CCDC171: variants seen among roughly 807,000 people sequenced by gnomAD.
CCDC171 encodes the protein coiled-coil domain-containing protein 171.
In CCDC171, 177 loss-of-function variants were observed where a neutral mutation model predicts 168.2. That is an observed-to-expected ratio of 1.05 (90% confidence interval 0.93 to 1.19). The LOEUF (loss-of-function observed/expected upper bound fraction) is 1.19. Among genes scored for constraint, CCDC171 ranks in the 50% most tolerant of loss-of-function variants. The probability of loss-of-function intolerance (pLI) is 0.00; values close to 1 mark genes in which losing one functional copy is unlikely to be tolerated. For missense variants in CCDC171, 1,991 were observed against 1,539.0 expected, an observed-to-expected ratio of 1.29 and a Z score of -4.91; for synonymous variants, 687 against 540.8, an observed-to-expected ratio of 1.27 and a Z score of -3.75.
chr9:16,108,064 C>T, the CCDC171 span, among the ~76,000 whole-genome samples: 1 of 152,176 alleles, frequency 6.6e-6, no homozygotes, highest in Non-Finnish European at 1.5e-5. Context: ...GTATAAACTT[C>T]AGTCGCAAAG....
chr9:16,008,005 A>G (rs997640795), intron 3 of CCDC171, among the ~76,000 whole-genome samples: 1 of 152,144 alleles, frequency 6.6e-6, no homozygotes, highest in East Asian at 1.9e-4. Flanking sequence ...ATGATTTGCA[A>G]ATACCTTTTC....
At chr9:15,597,724 C>G (rs576519127) in intron 6 of CCDC171, among the ~76,000 whole-genome samples, 1 of 152,230 alleles carries the variant, frequency 6.6e-6, no homozygotes, top group Non-Finnish European at 1.5e-5. Context: ...GGAATGGTAC[C>G]AGCTCCTCCT....
intron 7 of CCDC171, among the ~76,000 whole-genome samples, chr9:15,625,472 C>T (rs145396565): frequency 0.084 from 12,816 of 152,166 alleles, 710 homozygotes; most frequent in Non-Finnish European, 0.13. Flanking sequence ...AGTCTTTAAT[C>T]CATCTTGAAT....
At chr9:15,842,622 T>C (rs975354728) in intron 21 of CCDC171, among the ~76,000 whole-genome samples, 2 of 151,902 alleles carry the variant, frequency 1.3e-5, no homozygotes, top group Non-Finnish European at 2.9e-5. Context: ...AAGACCTCTA[T>C]TGGTGATAGT....
rs188085110 is a variant in CCDC171, at chr9:15,610,288, C to G, written c.676-12979C>G. ...TGCAAAGGCTGGAAATGCAGTGGCT[C>G]GATCATGGCTCACTGCAGCTTAAAC... On this transcript the variant is annotated intron_variant, in intron 6 of 25. Coordinates refer to ENST00000380701, the MANE Select transcript of CCDC171 (RefSeq NM_173550.4). Among the ~76,000 whole-genome samples the G allele has an allele frequency of 1.3e-4, 20 of 150,254 alleles. No individual in the cohort carries two copies. The East Asian group carries it at 3.7e-3, about 28-fold the overall frequency.
At chr9:15,704,073 A>T (rs1407991393) in intron 11 of CCDC171, among the ~76,000 whole-genome samples, 1 of 152,238 alleles carries the variant, frequency 6.6e-6, no homozygotes, top group Non-Finnish European at 1.5e-5. Flanking sequence ...AGGTTGCCAC[A>T]AACCTGCAGT....
intron 6 of CCDC171, among the ~76,000 whole-genome samples, chr9:16,024,678 G>C (rs1833240031): frequency 6.6e-6 from 1 of 152,198 alleles, no homozygotes; most frequent in Non-Finnish European, 1.5e-5. Flanking sequence ...CTGGAAACCA[G>C]AGCACATATC....
intron 9 of CCDC171, among the ~76,000 whole-genome samples, chr9:15,669,367 A>G (rs1213013766): frequency 6.6e-6 from 1 of 152,068 alleles, no homozygotes; most frequent in Non-Finnish European, 1.5e-5. Flanking sequence ...GTACATATTT[A>G]TGGGGTATGT....
chr9:15,909,204 C>G (rs1452462960), intron 24 of CCDC171, among the ~76,000 whole-genome samples: 1 of 152,196 alleles, frequency 6.6e-6, no homozygotes, highest in Non-Finnish European at 1.5e-5. Flanking sequence ...TCTACCCCGT[C>G]TCCTACCTGT....
intron 24 of CCDC171, among the ~76,000 whole-genome samples, chr9:15,895,358 G>C (rs895447626): frequency 6.6e-6 from 1 of 152,044 alleles, no homozygotes; most frequent in Non-Finnish European, 1.5e-5. Flanking sequence ...GAAAGTCAAA[G>C]TAACTGTGAT....
intron 25 of CCDC171, among the ~76,000 whole-genome samples, chr9:15,944,558 A>G (rs1359789709): frequency 6.6e-6 from 1 of 151,996 alleles, no homozygotes; most frequent in Non-Finnish European, 1.5e-5. Flanking sequence ...AACTCTTATT[A>G]TGCTGTATTG....
intron 7 of CCDC171, among the ~76,000 whole-genome samples, chr9:15,624,647 A>AT (rs1179723870): frequency 6.6e-6 from 1 of 152,066 alleles, no homozygotes; most frequent in Non-Finnish European, 1.5e-5. Flanking sequence ...TAAACTCATC[A>AT]TTTTTTATGG....
At chr9:15,988,628 G>C (rs1467202305) in intron 3 of CCDC171, among the ~76,000 whole-genome samples, 2 of 152,214 alleles carry the variant, frequency 1.3e-5, no homozygotes, top group Non-Finnish European at 2.9e-5. Flanking sequence ...CGCAGGGCGA[G>C]GCATCGCCTC....
At chr9:15,773,774 A>C (rs71513242) in intron 18 of CCDC171, among the ~76,000 whole-genome samples, 1 of 152,150 alleles carries the variant, frequency 6.6e-6, no homozygotes, top group Admixed American at 6.5e-5. Context: ...TGCAAGAAAA[A>C]CAAAGATAAA....
the CCDC171 span, among the ~76,000 whole-genome samples, chr9:16,069,025 A>G: frequency 6.6e-6 from 1 of 152,178 alleles, no homozygotes; most frequent in African/African-American, 2.4e-5. Context: ...GAGGATTAAG[A>G]CTGAGCAGCT....
chr9:15,752,164 C>T (rs560254449), intron 18 of CCDC171, among the ~76,000 whole-genome samples: 4 of 152,198 alleles, frequency 2.6e-5, no homozygotes, highest in Admixed American at 1.3e-4. Context: ...TGCTCATCAT[C>T]ACTGGTCATC....
chr9:15,839,787 G>T (rs2060597532), intron 21 of CCDC171, among the ~76,000 whole-genome samples: 1 of 152,128 alleles, frequency 6.6e-6, no homozygotes, highest in South Asian at 2.1e-4. Flanking sequence ...GCAAACATTT[G>T]CTGTCTAGAA....
At chr9:15,935,883 A>G (rs758826119) in intron 25 of CCDC171, among the ~76,000 whole-genome samples, 1 of 152,112 alleles carries the variant, frequency 6.6e-6, no homozygotes, top group Non-Finnish European at 1.5e-5. Flanking sequence ...TGCAGAACTA[A>G]ATGTAATCAG....
intron 23 of CCDC171, among the ~76,000 whole-genome samples, 191 bp from the exon 24 acceptor site, chr9:15,874,341 T>C (rs1166016606): frequency 6.6e-6 from 1 of 152,058 alleles, no homozygotes; most frequent in Non-Finnish European, 1.5e-5. Flanking sequence ...CTTTTTCTTC[T>C]TAACATTCTC....
Sources: allele counts gnomAD v4.1 joint callset (sites outside exome capture counted in the v4.1 genomes callset), GRCh38; gene constraint gnomAD v4.1.1; transcripts MANE v1.5; gene names NCBI Gene and HGNC (gene_info 2026-07-23, HGNC 2026-07-21).